Variants in CDKL1 observed in about 807,000 individuals in gnomAD.
CDKL1 encodes cyclin-dependent kinase-like 1.
CDKL1 carries 41 observed loss-of-function variants against 42.0 expected under a neutral mutation model. That is an observed-to-expected ratio of 0.98 (90% CI 0.76 to 1.27). The LOEUF is 1.27. Among genes scored for constraint, CDKL1 ranks in the 50% most tolerant of loss-of-function variants. The probability of loss-of-function intolerance (pLI) is 0.00; values close to 1 mark genes in which losing one functional copy is unlikely to be tolerated. For missense variants in CDKL1, 394 were observed against 428.4 expected (o/e 0.92, Z 0.71); for synonymous variants, 153 against 158.6 (o/e 0.96, Z 0.26).
chr14:50,357,311 G>A (rs999923609), intron 3 of CDKL1: 5 of 152,078 alleles, frequency 3.3e-5, no homozygotes, highest in African/African-American at 1.2e-4. Context: ...TGGAGGTCAC[G>A]GCAGATCATA....
chr14:50,355,862 C>G (rs1472957893), intron 3 of CDKL1, among the ~76,000 whole-genome samples: 3 of 152,106 alleles, frequency 2.0e-5, no homozygotes, highest in Non-Finnish European at 4.4e-5. Flanking sequence ...ACCTAGAATG[C>G]AAGGAATTTG....
chr14:50,357,333 C>T (rs2034084625), intron 3 of CDKL1: 1 of 152,276 alleles, frequency 6.6e-6, no homozygotes, highest in East Asian at 1.9e-4. Flanking sequence ...ATAACCATCA[C>T]CACGTGGCAG....
intron 2 of CDKL1, among the ~76,000 whole-genome samples, chr14:50,386,899 C>T (rs1473342420): frequency 1.3e-5 from 2 of 152,042 alleles, no homozygotes; most frequent in East Asian, 1.9e-4. Context: ...TGGTGGCATG[C>T]ACCTATAATC....
intron 2 of CDKL1, among the ~76,000 whole-genome samples, chr14:50,373,438 C>T (rs1214794080): frequency 6.6e-6 from 1 of 152,150 alleles, no homozygotes; most frequent in Non-Finnish European, 1.5e-5. Flanking sequence ...ATTTCCTAAC[C>T]AGCAGGCAAA....
At chr14:50,358,993 G>A (rs1225999816) in intron 3 of CDKL1, 35 bp downstream of exon 3, 2 of 1,592,858 alleles carry the variant, frequency 1.3e-6, no homozygotes, top group African/African-American at 2.7e-5. Flanking sequence ...ATCCCAGTGT[G>A]TCTTTGTTTT....
intron 4 of CDKL1, chr14:50,342,472 T>C: frequency 8.0e-7 from 1 of 1,247,850 alleles, no homozygotes; most frequent in Non-Finnish European, 1.0e-6. Context: ...GTAGCCGGTC[T>C]TAGCAGAGAA....
At chr14:50,339,127 A>G (rs1200948894) in intron 6 of CDKL1, 98 bp from the exon 7 acceptor site, 3 of 840,006 alleles carry the variant, frequency 3.6e-6, no homozygotes, top group Admixed American at 1.7e-5. Context: ...GCCCATATGC[A>G]TGGACACTGC....
chr14:50,395,594 G>T, intron 2 of CDKL1, 107 bp downstream of exon 2: 1 of 726,142 alleles, frequency 1.4e-6, no homozygotes. Context: ...TTGAGCCCAG[G>T]AGTTCCAGGC....
intron 6 of CDKL1, among the ~76,000 whole-genome samples, chr14:50,339,979 T>A (rs571167086): frequency 1.3e-5 from 2 of 152,276 alleles, no homozygotes; most frequent in South Asian, 4.2e-4. Flanking sequence ...AACTGCTGCC[T>A]CGCCTCATTT....
rs556912667 is a variant in CDKL1, at chr14:50,327,997, A to G, written c.*2077T>C. The G allele has an allele frequency of 3.9e-5, 6 of 152,324 alleles. No individual in the cohort carries two copies. The South Asian group carries it at 1.2e-3, about 32-fold the overall frequency. 9.4% of individuals were successfully genotyped at this position (152,324 alleles called of 1,614,324 possible). On this transcript the variant is annotated 3_prime_UTR_variant, in exon 10 of 10. Transcript: ENST00000395834. ...CATACCGAATAAAAGCATTATAAAT[A>G]TGGTTAAATTGAACATAAGCATAAA...
chr14:50,387,437 C>T (rs1303460364), intron 2 of CDKL1, among the ~76,000 whole-genome samples: 7 of 151,914 alleles, frequency 4.6e-5, no homozygotes, highest in Non-Finnish European at 7.4e-5. Context: ...GCAGGAGAAT[C>T]GCTTGAGCCT....
At chr14:50,346,165 A>T (rs1423915850) in intron 3 of CDKL1, among the ~76,000 whole-genome samples, 1 of 152,082 alleles carries the variant, frequency 6.6e-6, no homozygotes, top group Non-Finnish European at 1.5e-5. Flanking sequence ...CTACAAGGCC[A>T]CTGTTGTCAC....
chr14:50,390,978 G>A (rs1005031772), intron 2 of CDKL1, among the ~76,000 whole-genome samples: 1 of 152,140 alleles, frequency 6.6e-6, no homozygotes, highest in African/African-American at 2.4e-5. Context: ...GGGACTACAG[G>A]TGCATGCCAC....
Position 50,395,971 on chromosome 14 carries a change from G to A in CDKL1, c.-103C>T, listed in dbSNP as rs1417396207. On this transcript the variant is annotated 5_prime_UTR_variant, in exon 2 of 10. Transcript: ENST00000395834. ...AGGCTGAGGCGGGCAGATCACCTGA[G>A]GTCAGGAGTTCGAGACCAGTCTGGC... The A allele has an allele frequency of 3.5e-6, 4 of 1,144,922 alleles. No homozygotes were observed. The highest frequency in any genetic ancestry group is 5.1e-6 in the Non-Finnish European group (4 of 782,428). 70.9% of individuals were successfully genotyped at this position (1,144,922 alleles called of 1,614,324 possible).
At chr14:50,393,234 C>G (rs1279242272) in intron 2 of CDKL1, among the ~76,000 whole-genome samples, 2 of 152,166 alleles carry the variant, frequency 1.3e-5, no homozygotes, top group African/African-American at 4.8e-5. Flanking sequence ...GAGTTCTTAC[C>G]AGGCAAGGGT....
chr14:50,362,637 C>T (rs1434598611), intron 2 of CDKL1, among the ~76,000 whole-genome samples: 1 of 152,042 alleles, frequency 6.6e-6, no homozygotes, highest in Non-Finnish European at 1.5e-5. Context: ...CTGTATCTAG[C>T]TACTCTGGTT....
At chr14:50,331,972 C>T (rs1181345088) in intron 9 of CDKL1, 34 of 1,450,632 alleles carry the variant, frequency 2.3e-5, no homozygotes, top group Non-Finnish European at 3.0e-5. Context: ...AAAAAGTCTC[C>T]TTAGCTGGAC....
upstream of CDKL1, chr14:50,396,931 C>A (rs1595391287): frequency 5.8e-6 from 2 of 344,714 alleles, no homozygotes; most frequent in Non-Finnish European, 9.4e-6. Context: ...GCTCCCGCCC[C>A]GGGTCTGCCT....
In CDKL1 at chr14:50,330,010, A is replaced by AT. The variant is rs2032848626; in HGVS notation, c.*63dup. The AT allele has an allele frequency of 1.9e-6, 3 of 1,557,498 alleles. No individual in the cohort carries two copies. The highest frequency in any genetic ancestry group is 2.6e-6 in the Non-Finnish European group (3 of 1,153,280). On this transcript the variant is annotated 3_prime_UTR_variant, in exon 10 of 10. Coordinates refer to ENST00000395834, the MANE Select transcript of CDKL1 (RefSeq NM_004196.7). ...ATTGTAATTGTTTTCAATCAACTGT[A>AT]TAAGTTTTATTTTCTTCAAAGCATC...
Sources: gnomAD v4.1 joint callset for allele counts (sites outside exome capture counted in the v4.1 genomes callset) on GRCh38, gnomAD v4.1.1 for gene constraint, MANE v1.5 for transcripts, NCBI Gene and HGNC (gene_info 2026-07-23, HGNC 2026-07-21) for gene names.